TCF12: variants seen among roughly 807,000 people sequenced by gnomAD.
TCF12 encodes transcription factor 12, also known as DNA-binding protein HTF4.
In TCF12, 45 loss-of-function variants were observed where a neutral mutation model predicts 86.0. That is an observed-to-expected ratio of 0.52 (90% CI 0.41 to 0.67). The LOEUF (loss-of-function observed/expected upper bound fraction) is 0.67. Ranked by LOEUF, TCF12 falls within the 30% of genes least tolerant of loss-of-function variation. The pLI is 0.00. For missense variants in TCF12, 881 were observed against 859.9 expected, an observed-to-expected ratio of 1.02 and a Z score of -0.31; for synonymous variants, 330 against 299.6, an observed-to-expected ratio of 1.10 and a Z score of -1.05.
chr15:57,195,406 T>C (rs2057207003), intron 7 of TCF12, among the ~76,000 whole-genome samples: 1 of 152,216 alleles, frequency 6.6e-6, no homozygotes, highest in Non-Finnish European at 1.5e-5. Context: ...AATGATAGGC[T>C]CTAAACTGGT....
chr15:57,185,826 G>T (rs575611868), intron 6 of TCF12, among the ~76,000 whole-genome samples: 14 of 152,266 alleles, frequency 9.2e-5, no homozygotes, highest in African/African-American at 3.1e-4. Flanking sequence ...AGGCTGCAGT[G>T]AGCCATGTTT....
At chr15:57,177,067 A>G (rs1470636038) in intron 6 of TCF12, among the ~76,000 whole-genome samples, 2 of 151,866 alleles carry the variant, frequency 1.3e-5, no homozygotes, top group Non-Finnish European at 2.9e-5. Flanking sequence ...CTACATGCAC[A>G]CTAGTTGGCA....
intron 18 of TCF12, among the ~76,000 whole-genome samples, chr15:57,267,289 C>A (rs2152075969): frequency 6.6e-6 from 1 of 152,172 alleles, no homozygotes; most frequent in African/African-American, 2.4e-5. Context: ...GTTTTCAACA[C>A]CTAAACATTT....
intron 3 of TCF12, among the ~76,000 whole-genome samples, chr15:56,957,956 G>A (rs1308024409): frequency 6.6e-6 from 1 of 152,178 alleles, no homozygotes; most frequent in Non-Finnish European, 1.5e-5. Context: ...TGTGTTTTGT[G>A]TGCTCTTTCA....
At chr15:57,022,764 T>C (rs571340154) in intron 3 of TCF12, among the ~76,000 whole-genome samples, 1 of 152,324 alleles carries the variant, frequency 6.6e-6, no homozygotes, top group East Asian at 1.9e-4. Context: ...ACCATTCTAA[T>C]TGGCGTGAGA....
chr15:57,151,152 T>C (rs550488669), intron 5 of TCF12, among the ~76,000 whole-genome samples: 1 of 149,880 alleles, frequency 6.7e-6, no homozygotes, highest in African/African-American at 2.4e-5. Context: ...TTTTTTTTTT[T>C]TTTTTTTTTT....
At chr15:57,058,612 A>G (rs1436586936) in intron 3 of TCF12, among the ~76,000 whole-genome samples, 7 of 152,158 alleles carry the variant, frequency 4.6e-5, no homozygotes, top group South Asian at 2.1e-4. Context: ...TTATTTGACA[A>G]TTCACTGCAC....
intron 3 of TCF12, among the ~76,000 whole-genome samples, chr15:56,999,641 A>G (rs557983105): frequency 1.9e-4 from 29 of 152,222 alleles, no homozygotes; most frequent in African/African-American, 6.5e-4. Flanking sequence ...TGGGAGGGCA[A>G]CACGAGGGGA....
chr15:57,267,213 G>A (rs140660953), intron 18 of TCF12, among the ~76,000 whole-genome samples: 23 of 152,294 alleles, frequency 1.5e-4, no homozygotes, highest in African/African-American at 5.5e-4. Flanking sequence ...ACTAAAAGAA[G>A]CAGAATGTTC....
intron 3 of TCF12, among the ~76,000 whole-genome samples, chr15:57,018,209 C>T (rs1179746747): frequency 6.6e-6 from 1 of 152,152 alleles, no homozygotes; most frequent in Non-Finnish European, 1.5e-5. Flanking sequence ...GCAGCAGTTA[C>T]AGGTGAATTT....
intron 6 of TCF12, among the ~76,000 whole-genome samples, chr15:57,179,440 G>A (rs1244077364): frequency 2.0e-5 from 3 of 152,188 alleles, no homozygotes; most frequent in Non-Finnish European, 4.4e-5. Context: ...GTGAGCAGGA[G>A]AATTGCTTGA....
chr15:57,230,634 G>A (rs563886202), intron 8 of TCF12, among the ~76,000 whole-genome samples: 16 of 152,164 alleles, frequency 1.1e-4, no homozygotes, highest in Non-Finnish European at 2.4e-4. Context: ...ACCAAGTTAA[G>A]GAAGTTCCTG....
chr15:57,054,767 C>A (rs1189350188), intron 3 of TCF12, among the ~76,000 whole-genome samples: 1 of 127,518 alleles, frequency 7.8e-6, no homozygotes, highest in Non-Finnish European at 1.6e-5. Flanking sequence ...TTTTGCAATG[C>A]CTCTGCTTTT....
intron 5 of TCF12, among the ~76,000 whole-genome samples, chr15:57,102,312 A>G (rs1431228012): frequency 6.6e-6 from 1 of 152,206 alleles, no homozygotes; most frequent in African/African-American, 2.4e-5. Flanking sequence ...AATAAGTTAC[A>G]TATGGCCGGG....
chr15:57,203,302 C>G (rs1339637559), intron 8 of TCF12, among the ~76,000 whole-genome samples: 1 of 152,106 alleles, frequency 6.6e-6, no homozygotes, highest in Admixed American at 6.6e-5. Context: ...ATCTTTATGG[C>G]CCTCTGAAGC....
chr15:56,971,920 G>A (rs759180266), intron 3 of TCF12, among the ~76,000 whole-genome samples: 1 of 152,138 alleles, frequency 6.6e-6, no homozygotes, highest in Non-Finnish European at 1.5e-5. Flanking sequence ...ATGGAAGAAG[G>A]GGGTATGACC....
chr15:57,203,602 A>G (rs1266532449), intron 8 of TCF12, among the ~76,000 whole-genome samples: 1 of 152,216 alleles, frequency 6.6e-6, no homozygotes, highest in Non-Finnish European at 1.5e-5. Context: ...ACAAGTTTTG[A>G]ATGTAACTTG....
intron 4 of TCF12, among the ~76,000 whole-genome samples, chr15:57,065,881 T>C (rs1259126779): frequency 1.3e-5 from 2 of 152,186 alleles, no homozygotes; most frequent in Non-Finnish European, 2.9e-5. Flanking sequence ...CTAGTTTTCA[T>C]AGAACCATAG....
chr15:56,945,920 C>G (rs1271061807), intron 3 of TCF12, among the ~76,000 whole-genome samples: 1 of 152,136 alleles, frequency 6.6e-6, no homozygotes, highest in African/African-American at 2.4e-5. Context: ...CATGGTGGTT[C>G]TCTTTTCCCT....
Sources: gnomAD v4.1 joint callset for allele counts (sites outside exome capture counted in the v4.1 genomes callset) on GRCh38, gnomAD v4.1.1 for gene constraint, MANE v1.5 for transcripts, NCBI Gene and HGNC (gene_info 2026-07-23, HGNC 2026-07-21) for gene names.